Variants in EPB41 observed in about 807,000 individuals in gnomAD.
The protein encoded by EPB41 is erythrocyte membrane protein band 4.1, also known as protein 4.1.
A neutral mutation model predicts 108.0 loss-of-function variants in EPB41; 65 were observed. That is an observed-to-expected ratio of 0.60 (90% CI 0.49 to 0.74). The LOEUF is 0.74. EPB41 is among the 30% of genes least tolerant of loss of function. The pLI, the probability that EPB41 is intolerant of heterozygous loss-of-function variation, is 0.00. For synonymous variants in EPB41, 336 were observed against 358.9 expected, an observed-to-expected ratio of 0.94 and a Z score of 0.72; for missense variants, 875 against 1,037.0, an observed-to-expected ratio of 0.84 and a Z score of 2.15.
intron 16 of EPB41, among the ~76,000 whole-genome samples, chr1:29,086,580 A>C (rs1659045295): frequency 6.6e-6 from 1 of 151,836 alleles, no homozygotes; most frequent in African/African-American, 2.4e-5. Flanking sequence ...CCACCTTAAG[A>C]TCCTTTTCAT....
chr1:28,934,702 G>GTGTGTGTGTGTGTA (rs2093917650), intron 1 of EPB41, among the ~76,000 whole-genome samples: 3 of 151,580 alleles, frequency 2.0e-5, no homozygotes, highest in African/African-American at 7.3e-5. Context: ...GTGTGTGTGT[G>GTGTGTGTGTGTGTA]TGTATTTTAA....
intron 7 of EPB41, among the ~76,000 whole-genome samples, chr1:29,027,767 A>G (rs1572700568): frequency 6.6e-6 from 1 of 152,252 alleles, no homozygotes; most frequent in Non-Finnish European, 1.5e-5. Context: ...AAATGCAAAC[A>G]TCAGCCAAAC....
Position 29,115,719 on chromosome 1 carries a change from G to C in EPB41, c.2517G>C (p.Lys839Asn). Residue 839 changes from lysine (K) to asparagine (N), a missense_variant, in exon 20 of 21, where the codon AAG (lysine) becomes AAC (asparagine). Coordinates refer to ENST00000343067, the MANE Select transcript of EPB41 (RefSeq NM_001376013.1). This position sits in a 1 kb window ranked among gnomAD's most constrained non-coding sequence, Gnocchi z 4.4. The stretch of plus-strand genomic sequence containing the variant: ...TGTAGGTCCTTGTACAAGCCATCAA[G>C]GAGGCAAAGGAGCAGCACCCAGACA... ...DHDQVLVQAIKEAKEQHPDMS... is the reference protein window; with the variant it reads ...DHDQVLVQAINEAKEQHPDMS... 6.2e-7 allele frequency: 1 copy of C among 1,614,054 alleles called. No homozygotes were observed. The highest frequency in any genetic ancestry group is 8.5e-7 in the Non-Finnish European group (1 of 1,179,988).
At chr1:29,016,147 C>G (rs779072644) in intron 6 of EPB41, among the ~76,000 whole-genome samples, 14 of 152,002 alleles carry the variant, frequency 9.2e-5, no homozygotes, top group Non-Finnish European at 2.9e-5. Context: ...TTTTCATACT[C>G]CTTTCCCACC....
chr1:28,939,422 T>C (rs1489383350), intron 1 of EPB41, among the ~76,000 whole-genome samples: 1 of 151,960 alleles, frequency 6.6e-6, no homozygotes, highest in African/African-American at 2.4e-5. Flanking sequence ...AGGGTTTTTG[T>C]GTCTATATTT....
Position 29,029,790 on chromosome 1 carries a change from A to T in EPB41, c.1125-610A>T, listed in dbSNP as rs2096765837. On this transcript the variant is annotated intron_variant, in intron 7 of 20. Transcript: ENST00000343067. The stretch of plus-strand genomic sequence containing the variant: ...TAATAACAGAGAAAACAGCCCCATT[A>T]TCTATGTGCTTCCGTGAACCAGTTT... 2.0e-5 allele frequency among the ~76,000 whole-genome samples: 3 copies of T among 152,186 alleles called. No individual in the cohort carries two copies. In the South Asian group the frequency reaches 6.2e-4, roughly 31 times the overall value.
At chr1:28,942,070 T>C (rs1293433583) in intron 1 of EPB41, among the ~76,000 whole-genome samples, 1 of 152,194 alleles carries the variant, frequency 6.6e-6, no homozygotes, top group East Asian at 1.9e-4. Flanking sequence ...TTTCTTTTCA[T>C]AAATTTTTTA....
intron 1 of EPB41, among the ~76,000 whole-genome samples, chr1:28,936,443 C>A (rs1174530085): frequency 6.6e-6 from 1 of 152,156 alleles, no homozygotes; most frequent in Non-Finnish European, 1.5e-5. Context: ...TAAAATTTAC[C>A]ATTTTCAAAT....
chr1:29,077,379 T>A (rs1001981251), intron 16 of EPB41, among the ~76,000 whole-genome samples: 1 of 151,988 alleles, frequency 6.6e-6, no homozygotes, highest in Non-Finnish European at 1.5e-5. Context: ...CAGTCCAGCC[T>A]GGGCAACATA....
chr1:29,004,766 C>T lies in EPB41; in HGVS notation c.787-7099C>T, dbSNP rs2096369134. ...CTTAAAGAATGAGACCTAGAATTAC[C>T]TGTGCTCTAGAGTTTCTATAACATA... On this transcript the variant is annotated intron_variant, in intron 4 of 20. Coordinates refer to ENST00000343067, the MANE Select transcript of EPB41 (RefSeq NM_001376013.1). Among the ~76,000 whole-genome samples the T allele has an allele frequency of 2.0e-5, 3 of 152,050 alleles. No individual in the cohort carries two copies. In the South Asian group the frequency reaches 6.2e-4, roughly 32 times the overall value.
chr1:28,973,022 A>G (rs975501562), intron 1 of EPB41, among the ~76,000 whole-genome samples: 1 of 152,190 alleles, frequency 6.6e-6, no homozygotes, highest in Non-Finnish European at 1.5e-5. Flanking sequence ...TGATTATCCT[A>G]TTCTAGAGGT....
upstream of EPB41, chr1:28,911,037 T>A: frequency 1.0e-6 from 1 of 985,342 alleles, no homozygotes; most frequent in East Asian, 1.1e-4. Context: ...CTGATGGCAG[T>A]CTCTGCAGGG....
At chr1:29,077,609 A>G (rs967795097) in intron 16 of EPB41, among the ~76,000 whole-genome samples, 2 of 152,214 alleles carry the variant, frequency 1.3e-5, no homozygotes, top group Non-Finnish European at 2.9e-5. Context: ...TGATATAGAA[A>G]CATCAACTAT....
At chr1:28,889,510 A>G (rs1274917077) in intron 1 of EPB41, among the ~76,000 whole-genome samples, 1 of 152,270 alleles carries the variant, frequency 6.6e-6, no homozygotes, top group Non-Finnish European at 1.5e-5. Context: ...GAGTGCGGGT[A>G]GAGCCCTGTC....
At chr1:28,979,025 A>G (rs1213166508) in intron 1 of EPB41, among the ~76,000 whole-genome samples, 2 of 151,412 alleles carry the variant, frequency 1.3e-5, no homozygotes, top group Admixed American at 6.6e-5. Context: ...ATCTATATAC[A>G]TATCCTATTG....
intron 17 of EPB41, among the ~76,000 whole-genome samples, chr1:29,103,153 C>T (rs1666019203): frequency 1.3e-5 from 2 of 152,130 alleles, no homozygotes; most frequent in Non-Finnish European, 2.9e-5. Flanking sequence ...AAGTAGTCAG[C>T]CCGCCTCGAC....
rs191905947 is a variant in EPB41 at position 28,987,361 on chromosome 1, G to A, written c.-7-70G>A. On this transcript the variant is annotated intron_variant, in intron 1 of 20. Transcript: ENST00000343067. Reference sequence around the variant, plus strand: ...TACCTAAGTATATTAATTTTTTAGGGTTTAGGGTTTTGCCAACAGTAATGT... The same window carrying A: ...TACCTAAGTATATTAATTTTTTAGGATTTAGGGTTTTGCCAACAGTAATGT... 2,045 of 1,355,856 alleles carry A rather than the reference G, an allele frequency of 1.5e-3. 5 individuals carry two copies. Among genetic ancestry groups the A allele is most frequent in the Non-Finnish European group, 1.9e-3 (1,836 of 946,012 alleles). 84.0% of individuals were successfully genotyped at this position (1,355,856 alleles called of 1,614,324 possible).
At chr1:29,068,345 G>A (rs1649463361) in intron 16 of EPB41, among the ~76,000 whole-genome samples, 2 of 152,168 alleles carry the variant, frequency 1.3e-5, no homozygotes, top group East Asian at 1.9e-4. Flanking sequence ...ATGAGGCTGG[G>A]TAAATTTGAA....
intron 11 of EPB41, among the ~76,000 whole-genome samples, chr1:29,044,385 A>G (rs1432103448): frequency 1.3e-5 from 2 of 152,220 alleles, no homozygotes; most frequent in East Asian, 3.8e-4. Context: ...AGATAACCAA[A>G]GAGTCAAGTG....
Sources: gnomAD v4.1 joint callset for allele counts (sites outside exome capture counted in the v4.1 genomes callset) on GRCh38, gnomAD v4.1.1 for gene constraint, Gnocchi (gnomAD v3.1) non-coding constraint, MANE v1.5 for transcripts, NCBI Gene and HGNC (gene_info 2026-07-23, HGNC 2026-07-21) for gene names.